Variants in RASGRP3 observed in about 807,000 individuals in gnomAD.
RASGRP3 encodes the protein ras guanyl-releasing protein 3.
A neutral mutation model predicts 82.7 loss-of-function variants in RASGRP3; 54 were observed. That is an observed-to-expected ratio of 0.65 (90% CI 0.52 to 0.82). RASGRP3 has a LOEUF of 0.82. Among genes scored for constraint, RASGRP3 ranks in the 40% least tolerant of loss-of-function variants. RASGRP3 has a pLI of 0.00. For missense variants in RASGRP3, 861 were observed against 828.9 expected, an observed-to-expected ratio of 1.04 and a Z score of -0.48; for synonymous variants, 309 against 300.5, an observed-to-expected ratio of 1.03 and a Z score of -0.29.
At chr2:33,528,009 T>C (rs1464994707) in intron 10 of RASGRP3, among the ~76,000 whole-genome samples, 1 of 152,198 alleles carries the variant, frequency 6.6e-6, no homozygotes, top group Non-Finnish European at 1.5e-5. Flanking sequence ...GTCTTCTGCT[T>C]CCTGGCCTTT....
At chr2:33,478,101 C>T (rs190525549) in intron 1 of RASGRP3, among the ~76,000 whole-genome samples, 1 of 152,172 alleles carries the variant, frequency 6.6e-6, no homozygotes, top group East Asian at 1.9e-4. Context: ...CACGGCACTT[C>T]TGCGATCGAG....
intron 14 of RASGRP3, chr2:33,555,142 T>G (rs1675802807): frequency 6.0e-6 from 1 of 167,522 alleles, no homozygotes; most frequent in South Asian, 2.0e-4. Flanking sequence ...CTTCTTCCAT[T>G]GCTTCATTTC....
chr2:33,515,016 C>T lies in RASGRP3; in HGVS notation c.-121C>T. On this transcript the variant is annotated 5_prime_UTR_variant, in exon 3 of 18. Transcript: ENST00000403687. Reference sequence around the variant, plus strand: ...CTTTTTTCTTTTTTTTTAGAGTTTTCTTGAAGTACAACTAAGGACAGGTCA... The same window carrying T: ...CTTTTTTCTTTTTTTTTAGAGTTTTTTTGAAGTACAACTAAGGACAGGTCA... The T allele has an allele frequency of 1.5e-5, 13 of 859,060 alleles. No individual in the cohort carries two copies. Among genetic ancestry groups the T allele is most frequent in the African/African-American group, 3.4e-5 (2 of 58,714 alleles). The allele number at this position is 859,060 out of a possible 1,614,324, so 53.2% of individuals were successfully genotyped here. A position where few individuals can be genotyped will look rare whatever the true frequency, so the allele number is the denominator to read the frequency against.
chr2:33,539,900 A>G (rs1240646069), intron 12 of RASGRP3: 4 of 152,130 alleles, frequency 2.6e-5, no homozygotes, highest in Non-Finnish European at 5.9e-5. Flanking sequence ...AGGCAGGAGA[A>G]TGGAGTGAAC....
At chr2:33,444,245 G>C (rs1191964532) in intron 1 of RASGRP3, among the ~76,000 whole-genome samples, 1 of 152,154 alleles carries the variant, frequency 6.6e-6, no homozygotes, top group Non-Finnish European at 1.5e-5. Flanking sequence ...TTTCGAGGAT[G>C]CAGTGAACTA....
chr2:33,452,942 C>A (rs1665874301), intron 2 of RASGRP3, among the ~76,000 whole-genome samples: 3 of 152,138 alleles, frequency 2.0e-5, no homozygotes, highest in Admixed American at 6.5e-5. Flanking sequence ...GCTGCTCTGG[C>A]ACTGGATTTC....
chr2:33,473,582 C>T (rs1667189351), upstream of RASGRP3, among the ~76,000 whole-genome samples: 1 of 152,144 alleles, frequency 6.6e-6, no homozygotes, highest in Non-Finnish European at 1.5e-5. Context: ...GAGGGCACCT[C>T]TTCTTGAGTC....
upstream of RASGRP3, among the ~76,000 whole-genome samples, chr2:33,474,910 A>G (rs1160766838): frequency 6.6e-6 from 1 of 152,226 alleles, no homozygotes; most frequent in Non-Finnish European, 1.5e-5. Context: ...AAGAGTTTCT[A>G]GAAGTCCCTG....
In RASGRP3 at chr2:33,524,418, C is replaced by G. The variant is rs1213089617; in HGVS notation, c.691-14C>G. 2.7e-6 allele frequency: 4 copies of G among 1,482,652 alleles called. No individual in the cohort carries two copies. Among genetic ancestry groups the G allele is most frequent in the Non-Finnish European group, 3.7e-6 (4 of 1,085,610 alleles). The allele number at this position is 1,482,652 out of a possible 1,614,324, so 91.8% of individuals were successfully genotyped here. On this transcript the variant is annotated splice_polypyrimidine_tract_variant and intron_variant, in intron 8 of 17. Transcript: ENST00000403687. ...TGAAAATCCTTAAAAAGCATTGATG[C>G]ATTTTTATTGCAGAAGCTCCTTCAG...
chr2:33,477,012 A>T (rs939839703), intron 1 of RASGRP3, among the ~76,000 whole-genome samples: 5 of 150,214 alleles, frequency 3.3e-5, no homozygotes, highest in African/African-American at 1.2e-4. Flanking sequence ...CCAGTGTTCA[A>T]GATTTTTCTA....
intron 1 of RASGRP3, among the ~76,000 whole-genome samples, chr2:33,486,177 TTGA>T (rs1380982388): frequency 6.8e-6 from 1 of 146,630 alleles, no homozygotes; most frequent in East Asian, 2.0e-4. Flanking sequence ...TTTTTTTTTT[TTGA>T]GAGAGAGAGA....
intron 9 of RASGRP3, 58 bp from the exon 10 acceptor site, chr2:33,527,079 C>T (rs2151035678): frequency 1.3e-6 from 2 of 1,575,166 alleles, no homozygotes; most frequent in African/African-American, 1.3e-5. Flanking sequence ...ATTGCAGGGC[C>T]CGGGGGTGTG....
rs6757557 is a variant in RASGRP3 at position 33,458,919 on chromosome 2, A to C, written c.-261+10976A>C. On this transcript the variant is annotated intron_variant, in intron 2 of 18. Transcript: ENST00000402538. ...GTGGTATGTGCAGATAATAAGGACT[A>C]ACTGGGGGCAAATAGACTCTAACTT... is the stretch of plus-strand genomic sequence containing the variant. Among the ~76,000 whole-genome samples the C allele has an allele frequency of 4.3e-3, 651 of 152,326 alleles. 9 individuals carry two copies. Among genetic ancestry groups the C allele is most frequent in the African/African-American group, 0.014 (574 of 41,570 alleles).
In RASGRP3 at chr2:33,497,972, T is replaced by TG. The variant is rs1669480126; in HGVS notation, c.-260-13738_-260-13737insG. ...TCTGGCCTACACTGCCTTTTTCCCC[T>TG]CCCTTTCTCCAGCCCTTCTTTCCTT... is the stretch of plus-strand genomic sequence containing the variant. On this transcript the variant is annotated intron_variant, in intron 1 of 17. Transcript: ENST00000403687. 2.0e-5 allele frequency among the ~76,000 whole-genome samples: 3 copies of TG among 152,306 alleles called. No homozygotes were observed. In the East Asian group the frequency reaches 5.8e-4, roughly 29 times the overall value.
intron 7 of RASGRP3, 70 bp from the exon 8 acceptor site, chr2:33,523,809 G>T: frequency 7.3e-7 from 1 of 1,366,374 alleles, no homozygotes. Context: ...CCTTTTCTAT[G>T]CAATATTCTA....
chr2:33,516,387 A>G (rs1671470416), intron 3 of RASGRP3, among the ~76,000 whole-genome samples, 155 bp from the exon 4 acceptor site: 1 of 152,226 alleles, frequency 6.6e-6, no homozygotes, highest in African/African-American at 2.4e-5. Context: ...AGCCTGGGTG[A>G]CAGAGCAAGA....
chr2:33,437,863 A>G (rs2150868376), intron 1 of RASGRP3, among the ~76,000 whole-genome samples: 1 of 152,330 alleles, frequency 6.6e-6, no homozygotes, highest in East Asian at 1.9e-4. Context: ...ATTAATCTGA[A>G]TAAATATGAT....
intron 1 of RASGRP3, among the ~76,000 whole-genome samples, chr2:33,439,674 C>G (rs969996148): frequency 1.3e-5 from 2 of 152,172 alleles, no homozygotes; most frequent in Non-Finnish European, 2.9e-5. Flanking sequence ...AATCTGGCAA[C>G]TCTTCAAGGG....
chr2:33,521,153 C>T (rs1429121708), intron 6 of RASGRP3, among the ~76,000 whole-genome samples: 1 of 152,186 alleles, frequency 6.6e-6, no homozygotes, highest in Non-Finnish European at 1.5e-5. Context: ...GATTCACATG[C>T]AAGCTTGAGA....
Sources: allele counts gnomAD v4.1 joint callset (sites outside exome capture counted in the v4.1 genomes callset), GRCh38; gene constraint gnomAD v4.1.1; transcripts MANE v1.5; gene names NCBI Gene and HGNC (gene_info 2026-07-23, HGNC 2026-07-21).